TIAM2: variants seen among roughly 807,000 people sequenced by gnomAD.
The protein encoded by TIAM2 is rho guanine nucleotide exchange factor TIAM2.
In TIAM2, 80 loss-of-function variants were observed where a neutral mutation model predicts 152.9. That is an observed-to-expected ratio of 0.52 (90% CI 0.44 to 0.63). TIAM2 has a LOEUF of 0.63. Ranked by LOEUF, TIAM2 falls within the 30% of genes least tolerant of loss-of-function variation. The probability of loss-of-function intolerance (pLI) is 0.00; values close to 1 mark genes in which losing one functional copy is unlikely to be tolerated. For synonymous variants in TIAM2, 804 were observed against 838.0 expected (o/e 0.96, Z 0.70); for missense variants, 1,965 against 2,120.1 (o/e 0.93, Z 1.44).
intron 1 of TIAM2, among the ~76,000 whole-genome samples, chr6:155,047,675 AGAGAGAGAGAGAG>A (rs1407909710): frequency 1.9e-5 from 1 of 52,090 alleles, no homozygotes. Context: ...GAGGAGAGAG[AGAGAGAGAGAGAG>A]GAGAGAGAGA....
chr6:155,251,569 T>C (rs914091334), intron 22 of TIAM2, among the ~76,000 whole-genome samples: 6 of 152,144 alleles, frequency 3.9e-5, no homozygotes, highest in Non-Finnish European at 1.5e-5. Flanking sequence ...TTACAGGCAT[T>C]AGCCACCGTG....
chr6:155,133,523 G>A (rs1213888902), intron 4 of TIAM2, among the ~76,000 whole-genome samples: 1 of 151,946 alleles, frequency 6.6e-6, no homozygotes, highest in East Asian at 1.9e-4. Flanking sequence ...ATTAACTGTA[G>A]TCACCATAAT....
intron 1 of TIAM2, among the ~76,000 whole-genome samples, chr6:155,016,542 A>C (rs372940704): frequency 2.6e-3 from 329 of 124,730 alleles, no homozygotes; most frequent in South Asian, 3.7e-3. Flanking sequence ...GGTAAATTTA[A>C]ATTTAAATGG....
intron 14 of TIAM2, among the ~76,000 whole-genome samples, chr6:155,195,005 G>GT (rs1781304329): frequency 6.6e-6 from 1 of 152,210 alleles, no homozygotes; most frequent in Non-Finnish European, 1.5e-5. Context: ...CACCATGATT[G>GT]TAAGTTTCCT....
At chr6:155,197,871 A>ATTCAAGATGAGC (rs1183441955) in intron 14 of TIAM2, among the ~76,000 whole-genome samples, 2 of 152,196 alleles carry the variant, frequency 1.3e-5, no homozygotes, top group African/African-American at 4.8e-5. Context: ...GGGAACTACA[A>ATTCAAGATGAGC]TTCAAGATGA....
Position 155,118,311 on chromosome 6 carries a change from G to A in TIAM2, c.-117-9179G>A, listed in dbSNP as rs182282572. Among the ~76,000 whole-genome samples, 6 of 152,180 alleles carry A rather than the reference G, an allele frequency of 3.9e-5. No homozygotes were observed. In the East Asian group the frequency reaches 7.7e-4, roughly 20 times the overall value. On this transcript the variant is annotated intron_variant, in intron 2 of 26. Transcript: ENST00000682666. ...TCTCCATGTATTCTCTTGTGGATTC[G>A]GTCCTTCAGGGATCCAGCAAGTGGT...
At chr6:155,176,014 A>G (rs1482375200) in intron 9 of TIAM2, among the ~76,000 whole-genome samples, 1 of 152,196 alleles carries the variant, frequency 6.6e-6, no homozygotes, top group African/African-American at 2.4e-5. Context: ...AAAGACAAAA[A>G]CACAGATAGT....
chr6:155,057,769 C>A (rs963574869), intron 1 of TIAM2, among the ~76,000 whole-genome samples: 2 of 151,832 alleles, frequency 1.3e-5, no homozygotes, highest in Non-Finnish European at 2.9e-5. Flanking sequence ...TGGTCTGGAA[C>A]CCCTGGCCTC....
rs560741281 is a variant in TIAM2, at chr6:155,095,555, A to C, written c.-118+5176A>C. ...TATCAACTGGTTATTTACTGATGGA[A>C]TGTGCCCCCTAACAGATCTGTGAAC... On this transcript the variant is annotated intron_variant, in intron 2 of 26. Transcript: ENST00000682666. Among the ~76,000 whole-genome samples the C allele has an allele frequency of 2.6e-4, 40 of 152,294 alleles. No homozygotes were observed. In the South Asian group the frequency reaches 7.7e-3, roughly 29 times the overall value.
intron 14 of TIAM2, among the ~76,000 whole-genome samples, chr6:155,204,198 T>C (rs563784463): frequency 2.0e-5 from 3 of 152,354 alleles, no homozygotes; most frequent in South Asian, 2.1e-4. Context: ...AAATTATTTT[T>C]TCCCCACAGC....
chr6:155,105,416 C>T (rs1778660202), intron 2 of TIAM2, among the ~76,000 whole-genome samples: 1 of 152,102 alleles, frequency 6.6e-6, no homozygotes, highest in South Asian at 2.1e-4. Flanking sequence ...CTCCCAGAGG[C>T]TGGAATTATG....
At chr6:155,221,965 T>C (rs1034527264) in intron 15 of TIAM2, among the ~76,000 whole-genome samples, 5 of 151,934 alleles carry the variant, frequency 3.3e-5, no homozygotes, top group Non-Finnish European at 5.9e-5. Context: ...TTTATTTTTG[T>C]TTTTTTGAGA....
chr6:155,011,549 T>C, intron 1 of TIAM2, among the ~76,000 whole-genome samples: 1 of 149,762 alleles, frequency 6.7e-6, no homozygotes, highest in Non-Finnish European at 1.5e-5. Context: ...TTCGGTCATA[T>C]TGATCTATTT....
Position 155,169,144 on chromosome 6 carries a change from C to T in TIAM2, c.2361+3735C>T, listed in dbSNP as rs185896003. 1.4e-3 allele frequency among the ~76,000 whole-genome samples: 206 copies of T among 152,178 alleles called. 1 individual carries two copies. Among genetic ancestry groups the T allele is most frequent in the African/African-American group, 4.6e-3 (189 of 41,532 alleles). ...CCGAGTAGCTGGGACTACAGGCGCC[C>T]GCCACCACGCCCGGCTAATTTTTTG... is the stretch of plus-strand genomic sequence containing the variant. On this transcript the variant is annotated intron_variant, in intron 9 of 26. Transcript: ENST00000682666.
intron 20 of TIAM2, among the ~76,000 whole-genome samples, chr6:155,248,786 T>A (rs1187077656): frequency 6.6e-6 from 1 of 152,216 alleles, no homozygotes; most frequent in Non-Finnish European, 1.5e-5. Context: ...AAGAGGGGCT[T>A]TATTTGGGTT....
intron 1 of TIAM2, among the ~76,000 whole-genome samples, chr6:155,025,492 T>C (rs1032633675): frequency 3.9e-5 from 6 of 151,926 alleles, no homozygotes; most frequent in Non-Finnish European, 7.4e-5. Context: ...AATTTTTGTA[T>C]TTTTTTAGTA....
At chr6:155,048,831 C>T (rs1438085322) in intron 1 of TIAM2, among the ~76,000 whole-genome samples, 7 of 151,016 alleles carry the variant, frequency 4.6e-5, no homozygotes, top group Non-Finnish European at 7.4e-5. Context: ...GATGGAATCT[C>T]ACTCTGTTTC....
intron 16 of TIAM2, among the ~76,000 whole-genome samples, chr6:155,242,130 G>A (rs1258548163): frequency 6.6e-6 from 1 of 152,104 alleles, no homozygotes; most frequent in African/African-American, 2.4e-5. Flanking sequence ...TTTTCTTAGG[G>A]CCCCCCTGGG....
At chr6:155,152,385 TA>T (rs1160472797) in intron 7 of TIAM2, among the ~76,000 whole-genome samples, 2 of 152,108 alleles carry the variant, frequency 1.3e-5, no homozygotes, top group African/African-American at 4.8e-5. Flanking sequence ...CTGCCCCTCT[TA>T]AGGGGCCTCA....
Sources: gnomAD v4.1 joint callset for allele counts (sites outside exome capture counted in the v4.1 genomes callset) on GRCh38, gnomAD v4.1.1 for gene constraint, MANE v1.5 for transcripts, NCBI Gene and HGNC (gene_info 2026-07-23, HGNC 2026-07-21) for gene names.